Variants in GCNT1 observed in about 807,000 individuals in gnomAD.
GCNT1 encodes the protein beta-1,3-galactosyl-O-glycosyl-glycoprotein beta-1,6-N-acetylglucosaminyltransferase.
Under a neutral mutation model 26.2 loss-of-function variants are expected in GCNT1, and 16 were observed. That is an observed-to-expected ratio of 0.61 (90% CI 0.41 to 0.93). GCNT1 has a LOEUF of 0.93. GCNT1 is among the 40% of genes least tolerant of loss of function. The probability of loss-of-function intolerance (pLI) is 0.00; values close to 1 mark genes in which losing one functional copy is unlikely to be tolerated. For missense variants in GCNT1, 477 were observed against 526.7 expected, an observed-to-expected ratio of 0.91 and a Z score of 0.92; for synonymous variants, 183 against 190.8, an observed-to-expected ratio of 0.96 and a Z score of 0.34.
At chr9:76,493,168 T>C (rs1299661156) in intron 2 of GCNT1, among the ~76,000 whole-genome samples, 4 of 152,156 alleles carry the variant, frequency 2.6e-5, no homozygotes, top group Non-Finnish European at 4.4e-5. Flanking sequence ...CCTTCATCCT[T>C]CTAGAACACA....
At chr9:76,409,150 G>A in the GCNT1 span, among the ~76,000 whole-genome samples, 3 of 152,214 alleles carry the variant, frequency 2.0e-5, no homozygotes, top group Admixed American at 1.3e-4. Flanking sequence ...TATTCAGAAT[G>A]TATATTTCTT....
intron 2 of GCNT1, among the ~76,000 whole-genome samples, chr9:76,482,313 A>G (rs1234441848): frequency 6.6e-6 from 1 of 152,014 alleles, no homozygotes; most frequent in Non-Finnish European, 1.5e-5. Flanking sequence ...ATTTTCTAGT[A>G]GCAGCATTAA....
At chr9:76,448,425 C>T (rs1402083281) in intron 1 of GCNT1, among the ~76,000 whole-genome samples, 3 of 152,106 alleles carry the variant, frequency 2.0e-5, no homozygotes, top group Non-Finnish European at 1.5e-5. Flanking sequence ...GCACTCCAGC[C>T]TGGGTTGCAG....
upstream of GCNT1, among the ~76,000 whole-genome samples, chr9:76,440,366 C>T (rs1823468562): frequency 6.6e-6 from 1 of 152,132 alleles, no homozygotes; most frequent in Admixed American, 6.5e-5. Context: ...AAAAAATTCC[C>T]CAGTTGCCAG....
upstream of GCNT1, among the ~76,000 whole-genome samples, chr9:76,457,232 T>C (rs1823771313): frequency 6.6e-6 from 1 of 152,152 alleles, no homozygotes; most frequent in Non-Finnish European, 1.5e-5. Context: ...CAGCCAGCTA[T>C]ATTTTATTTT....
the GCNT1 span, among the ~76,000 whole-genome samples, chr9:76,414,118 T>A: frequency 6.6e-6 from 1 of 152,250 alleles, no homozygotes; most frequent in East Asian, 1.9e-4. Flanking sequence ...TTCTGCCTAC[T>A]TTCTCAATTA....
At chr9:76,430,175 AG>A (rs1823317225) in intron 1 of GCNT1, among the ~76,000 whole-genome samples, 1 of 152,232 alleles carries the variant, frequency 6.6e-6, no homozygotes, top group Non-Finnish European at 1.5e-5. Flanking sequence ...TGGGAGAAAT[AG>A]GTGGCTGTTT....
chr9:76,425,776 C>T (rs1221745099), intron 1 of GCNT1, among the ~76,000 whole-genome samples: 9 of 151,996 alleles, frequency 5.9e-5, no homozygotes, highest in East Asian at 1.9e-4. Flanking sequence ...GTGTCAGGGC[C>T]GGTGAGTCAA....
At chr9:76,474,379 G>A (rs1354653676) in intron 2 of GCNT1, among the ~76,000 whole-genome samples, 1 of 152,036 alleles carries the variant, frequency 6.6e-6, no homozygotes, top group African/African-American at 2.4e-5. Context: ...TTATTCCTGG[G>A]AATTCCAAGG....
intron 1 of GCNT1, among the ~76,000 whole-genome samples, chr9:76,436,643 T>G (rs947000256): frequency 6.8e-6 from 1 of 146,164 alleles, no homozygotes; most frequent in African/African-American, 2.5e-5. Context: ...TATTAAAAAC[T>G]GAAAATTTCG....
chr9:76,399,517 G>A, the GCNT1 span: 76 of 1,587,572 alleles, frequency 4.8e-5, no homozygotes, highest in South Asian at 9.9e-5. Flanking sequence ...AGCCTGCCAC[G>A]GAAGACTGGT....
At chr9:76,443,947 AAG>A (rs1421510655) in intron 1 of GCNT1, among the ~76,000 whole-genome samples, 1 of 116,086 alleles carries the variant, frequency 8.6e-6, no homozygotes, top group East Asian at 2.2e-4. Flanking sequence ...GGAAGGAAGG[AAG>A]GAAGGAAGGA....
Position 76,504,572 on chromosome 9 carries a change from G to C in GCNT1, c.*904G>C. ...CAGAAAACTAAGACAGGATGATACA[G>C]GTTTGAGGGGCTGGGGAGTGGGAGG... On this transcript the variant is annotated 3_prime_UTR_variant, in exon 4 of 4. Coordinates refer to ENST00000376730, the MANE Select transcript of GCNT1 (RefSeq NM_001490.5). 2 of 406,058 alleles carry C rather than the reference G, an allele frequency of 4.9e-6. No homozygotes were observed. The highest frequency in any genetic ancestry group is 8.9e-5 in the Admixed American group (2 of 22,500). The allele number at this position is 406,058 out of a possible 1,614,324, so 25.2% of individuals were successfully genotyped here.
the GCNT1 span, among the ~76,000 whole-genome samples, chr9:76,400,292 A>G: frequency 6.1e-3 from 932 of 152,270 alleles, 8 homozygotes; most frequent in African/African-American, 0.022. Context: ...GGAGTCTGAC[A>G]TCAACGTTCA....
In GCNT1 at chr9:76,504,548, A is replaced by T. The variant is rs144747144; in HGVS notation, c.*880A>T. 1,897 of 397,220 alleles carry T rather than the reference A, an allele frequency of 4.8e-3. 10 individuals carry two copies. Among genetic ancestry groups the T allele is most frequent in the Middle Eastern group, 7.3e-3 (11 of 1,506 alleles). The allele number at this position is 397,220 out of a possible 1,614,324, so 24.6% of individuals were successfully genotyped here. On this transcript the variant is annotated 3_prime_UTR_variant, in exon 4 of 4. Transcript: ENST00000376730. ...CTATCTGACTGCCAGTAATTAGTGC[A>T]GAAAACTAAGACAGGATGATACAGG...
At chr9:76,403,101 C>G in the GCNT1 span, among the ~76,000 whole-genome samples, 2 of 152,168 alleles carry the variant, frequency 1.3e-5, no homozygotes, top group South Asian at 2.1e-4. Context: ...ACATGAGACA[C>G]TAAAAATATC....
At chr9:76,470,488 C>T (rs1319645589) in intron 2 of GCNT1, among the ~76,000 whole-genome samples, 4 of 151,486 alleles carry the variant, frequency 2.6e-5, no homozygotes. Context: ...GTCTGTAGTC[C>T]CAGCTACTCA....
At chr9:76,488,287 A>G (rs1049642132) in intron 2 of GCNT1, among the ~76,000 whole-genome samples, 1 of 152,170 alleles carries the variant, frequency 6.6e-6, no homozygotes, top group African/African-American at 2.4e-5. Flanking sequence ...ATACTCTTGA[A>G]TTATTTAGTT....
intron 2 of GCNT1, among the ~76,000 whole-genome samples, chr9:76,470,785 T>A (rs891600886): frequency 2.6e-5 from 4 of 152,140 alleles, no homozygotes; most frequent in African/African-American, 7.2e-5. Context: ...AATTTTTTTT[T>A]AAAGCCACTT....
Sources: gnomAD v4.1 joint callset for allele counts (sites outside exome capture counted in the v4.1 genomes callset) on GRCh38, gnomAD v4.1.1 for gene constraint, MANE v1.5 for transcripts, NCBI Gene and HGNC (gene_info 2026-07-23, HGNC 2026-07-21) for gene names.